Variants in ROBO2 observed in about 807,000 individuals in gnomAD.
ROBO2 encodes the protein roundabout guidance receptor 2.
Under a neutral mutation model 160.8 loss-of-function variants are expected in ROBO2, and 53 were observed. The observed-to-expected ratio is 0.33, with a 90% confidence interval of 0.26 to 0.41. The LOEUF (loss-of-function observed/expected upper bound fraction) is 0.41. Ranked by LOEUF, ROBO2 falls within the 10% of genes least tolerant of loss-of-function variation. The pLI, the probability that ROBO2 is intolerant of heterozygous loss-of-function variation, is 1.00. For missense variants in ROBO2, 1,577 were observed against 1,722.4 expected, an observed-to-expected ratio of 0.92 and a Z score of 1.49; for synonymous variants, 664 against 611.7, an observed-to-expected ratio of 1.09 and a Z score of -1.26.
intron 1 of ROBO2, among the ~76,000 whole-genome samples, chr3:77,093,982 T>C (rs929361342): frequency 3.3e-5 from 5 of 152,202 alleles, no homozygotes; most frequent in South Asian, 2.1e-4. Flanking sequence ...TAAAAATTGC[T>C]GGAGATATAA....
chr3:76,678,058 C>T (rs1180837282), intron 2 of ROBO2, among the ~76,000 whole-genome samples: 16 of 143,430 alleles, frequency 1.1e-4, no homozygotes, highest in African/African-American at 4.1e-4. Flanking sequence ...GCAAACTCCA[C>T]CTACCAGGTT....
intron 5 of ROBO2, among the ~76,000 whole-genome samples, chr3:77,511,970 C>T (rs2089445827): frequency 6.6e-6 from 1 of 151,940 alleles, no homozygotes; most frequent in Non-Finnish European, 1.5e-5. Context: ...AAGTTGCTTG[C>T]AACCTCATCC....
Position 77,184,497 on chromosome 3 carries a change from C to G in ROBO2, c.388+86157C>G, listed in dbSNP as rs371912986. On this transcript the variant is annotated intron_variant, in intron 2 of 25. Coordinates refer to ENST00000461745, the Ensembl canonical transcript of ROBO2. The stretch of plus-strand genomic sequence containing the variant: ...AGAATGTGAAGAGGTCAAAGGATCA[C>G]TTCTGTTTATGGGAACCAAATAATG... Among the ~76,000 whole-genome samples, 21 of 152,120 alleles carry G rather than the reference C, an allele frequency of 1.4e-4. 1 individual carries two copies. In the East Asian group the frequency reaches 3.9e-3, roughly 28 times the overall value.
At chr3:77,604,857 C>T (rs1407495064) in intron 20 of ROBO2, among the ~76,000 whole-genome samples, 2 of 152,038 alleles carry the variant, frequency 1.3e-5, no homozygotes, top group Non-Finnish European at 2.9e-5. Flanking sequence ...TAAAAGTGGA[C>T]ATTTCAGAAT....
At chr3:76,676,754 GA>G (rs2092420933) in intron 2 of ROBO2, among the ~76,000 whole-genome samples, 1 of 152,034 alleles carries the variant, frequency 6.6e-6, no homozygotes, top group African/African-American at 2.4e-5. Flanking sequence ...TGAAGACTGC[GA>G]ACATGTTGCA....
intron 1 of ROBO2, among the ~76,000 whole-genome samples, chr3:75,912,264 T>TAA (rs773208521): frequency 1.5e-4 from 23 of 152,192 alleles, no homozygotes; most frequent in Non-Finnish European, 3.4e-4. Context: ...TCCCCATGCT[T>TAA]AACAGTTTTA....
intron 2 of ROBO2, among the ~76,000 whole-genome samples, chr3:76,827,437 C>T (rs1328673169): frequency 6.6e-6 from 1 of 152,052 alleles, no homozygotes; most frequent in Non-Finnish European, 1.5e-5. Flanking sequence ...AAGATAATCC[C>T]TATTCTCAAG....
At chr3:76,471,447 A>G (rs1290867144) in intron 2 of ROBO2, among the ~76,000 whole-genome samples, 2 of 152,140 alleles carry the variant, frequency 1.3e-5, no homozygotes, top group Non-Finnish European at 2.9e-5. Context: ...ATAACTATCT[A>G]TAACACACTG....
At chr3:76,373,053 G>C (rs2076180134) in intron 2 of ROBO2, among the ~76,000 whole-genome samples, 1 of 151,946 alleles carries the variant, frequency 6.6e-6, no homozygotes, top group African/African-American at 2.4e-5. Context: ...AAAGAAAACT[G>C]TTTCTAATTT....
intron 2 of ROBO2, among the ~76,000 whole-genome samples, chr3:75,975,423 C>T (rs936646321): frequency 2.0e-5 from 3 of 151,236 alleles, no homozygotes; most frequent in Admixed American, 6.6e-5. Context: ...TAATATATTT[C>T]GGTAGCCTCT....
intron 24 of ROBO2, chr3:77,642,799 T>C (rs2095367157): frequency 2.2e-6 from 1 of 456,646 alleles, no homozygotes; most frequent in African/African-American, 2.0e-5. Flanking sequence ...ACAACATGCA[T>C]CCAGCTTAGA....
chr3:77,271,527 G>C (rs958893335), intron 2 of ROBO2, among the ~76,000 whole-genome samples: 5 of 152,184 alleles, frequency 3.3e-5, no homozygotes, highest in Non-Finnish European at 7.3e-5. Context: ...CATTGAGTGG[G>C]AGGAATTCAG....
intron 2 of ROBO2, among the ~76,000 whole-genome samples, chr3:76,813,013 T>A (rs1217187976): frequency 1.4e-5 from 2 of 144,964 alleles, no homozygotes; most frequent in African/African-American, 5.1e-5. Context: ...AATAAATACA[T>A]CTTATTGTTT....
At chr3:75,912,671 G>A (rs971799709) in intron 1 of ROBO2, among the ~76,000 whole-genome samples, 6 of 152,100 alleles carry the variant, frequency 3.9e-5, no homozygotes, top group African/African-American at 2.4e-5. Context: ...GTGTAGCTGC[G>A]TGGAATTATG....
At chr3:77,071,607 G>A (rs952648438) in intron 1 of ROBO2, among the ~76,000 whole-genome samples, 8 of 152,110 alleles carry the variant, frequency 5.3e-5, no homozygotes, top group Non-Finnish European at 1.0e-4. Context: ...CTTGCCTGAG[G>A]GTCACGGAGC....
intron 2 of ROBO2, among the ~76,000 whole-genome samples, chr3:76,860,221 C>T (rs932371711): frequency 6.6e-6 from 1 of 152,124 alleles, no homozygotes; most frequent in Non-Finnish European, 1.5e-5. Context: ...CCACTATACC[C>T]CCGACGGCTT....
chr3:77,167,229 T>C (rs964932119), intron 2 of ROBO2, among the ~76,000 whole-genome samples: 2 of 152,196 alleles, frequency 1.3e-5, no homozygotes, highest in South Asian at 4.1e-4. Flanking sequence ...TATTTGAAGT[T>C]AGTATTACTA....
chr3:76,981,166 G>T (rs1428870168), intron 2 of ROBO2, among the ~76,000 whole-genome samples: 1 of 152,174 alleles, frequency 6.6e-6, no homozygotes, highest in African/African-American at 2.4e-5. Flanking sequence ...GCAAGATTTT[G>T]TGTAAACATA....
chr3:77,575,497 A>G (rs1027372167), intron 14 of ROBO2, among the ~76,000 whole-genome samples: 6 of 152,114 alleles, frequency 3.9e-5, no homozygotes, highest in Admixed American at 6.6e-5. Flanking sequence ...AAAAATGTAT[A>G]TAGGTTGCCC....
Sources: allele counts gnomAD v4.1 joint callset (sites outside exome capture counted in the v4.1 genomes callset), GRCh38; gene constraint gnomAD v4.1.1; transcripts MANE v1.5; gene names NCBI Gene and HGNC (gene_info 2026-07-23, HGNC 2026-07-21).